The following NTRK2 variants were observed in gnomAD, a reference collection of about 807,000 sequenced individuals.
The protein encoded by NTRK2 is neurotrophic receptor tyrosine kinase 2.
Under a neutral mutation model 94.5 loss-of-function variants are expected in NTRK2, and 13 were observed. The observed-to-expected ratio is 0.14, with a 90% CI of 0.09 to 0.22. The LOEUF (loss-of-function observed/expected upper bound fraction) is 0.22, where lower values mean the gene tolerates loss of function less well. Among genes scored for constraint, NTRK2 ranks in the 10% least tolerant of loss-of-function variants. NTRK2 has a pLI of 1.00. For synonymous variants in NTRK2, 372 were observed against 407.4 expected (o/e 0.91, Z 1.05); for missense variants, 639 against 1,071.2 (o/e 0.60, Z 5.63).
intron 2 of NTRK2, among the ~76,000 whole-genome samples, chr9:84,695,018 G>A (rs1428351467): frequency 5.2e-5 from 7 of 134,740 alleles, no homozygotes; most frequent in African/African-American, 2.0e-4. Context: ...TCGCGCCACT[G>A]CACTCCAGCC....
intron 2 of NTRK2, among the ~76,000 whole-genome samples, chr9:84,692,468 C>CTTTTTTTTTTTTTTTTTTT (rs71369138): frequency 4.6e-5 from 4 of 87,692 alleles, no homozygotes; most frequent in Non-Finnish European, 6.4e-5. Flanking sequence ...TTCTTTTTTT[C>CTTTTTTTTTTTTTTTTTTT]TTTTTTTTTT....
chr9:84,723,748 A>G, intron 7 of NTRK2, 39 bp downstream of exon 7: 1 of 1,612,820 alleles, frequency 6.2e-7, no homozygotes, highest in African/African-American at 1.3e-5. Context: ...TAGAGAGACA[A>G]GAGTGTTTCA....
intron 17 of NTRK2, among the ~76,000 whole-genome samples, chr9:85,014,355 G>A (rs1831983547): frequency 6.6e-6 from 1 of 152,182 alleles, no homozygotes; most frequent in African/African-American, 2.4e-5. Flanking sequence ...CCTGGAAAAC[G>A]AGTGGTGCAT....
chr9:84,976,317 C>T (rs912324353), intron 17 of NTRK2, among the ~76,000 whole-genome samples: 2 of 152,138 alleles, frequency 1.3e-5, no homozygotes, highest in Non-Finnish European at 2.9e-5. Context: ...TTGTCTCTTC[C>T]TCTTTTATAA....
chr9:85,026,896 G>A lies in NTRK2; in HGVS notation c.*5459G>A. ...GCTTTACTAAGACCCACTGCATCTT[G>A]GCTGATTTCAAAGTGACACCTGAAT... On this transcript the variant is annotated 3_prime_UTR_variant, in exon 19 of 19. Coordinates refer to ENST00000277120, the MANE Select transcript of NTRK2 (RefSeq NM_006180.6). 1 of 232,388 alleles carries A rather than the reference G, an allele frequency of 4.3e-6. No individual in the cohort carries two copies. The allele number at this position is 232,388 out of a possible 1,614,324, so 14.4% of individuals were successfully genotyped here.
chr9:84,801,821 C>G (rs2070492930), intron 12 of NTRK2, among the ~76,000 whole-genome samples: 1 of 152,130 alleles, frequency 6.6e-6, no homozygotes, highest in Non-Finnish European at 1.5e-5. Context: ...TGGTAAATGG[C>G]CATAATTGTG....
intron 16 of NTRK2, among the ~76,000 whole-genome samples, chr9:84,951,537 A>G (rs1267513051): frequency 6.7e-6 from 1 of 149,312 alleles, no homozygotes; most frequent in East Asian, 2.0e-4. Flanking sequence ...GTGTCTGTAC[A>G]TACATGAATG....
chr9:84,815,319 A>G, intron 12 of NTRK2: 3 of 1,048,280 alleles, frequency 2.9e-6, no homozygotes, highest in Middle Eastern at 4.3e-4. Flanking sequence ...TTATGGGGAA[A>G]AAAAGTGTGA....
At chr9:84,721,311 G>A (rs539306788) in intron 6 of NTRK2, among the ~76,000 whole-genome samples, 1 of 152,048 alleles carries the variant, frequency 6.6e-6, no homozygotes, top group South Asian at 2.1e-4. Context: ...AAGTAGCTGG[G>A]ATTACAGGCA....
intron 15 of NTRK2, among the ~76,000 whole-genome samples, chr9:84,938,284 T>C (rs1269809349): frequency 2.0e-5 from 3 of 152,004 alleles, no homozygotes. Context: ...TTTGGAAAAG[T>C]TTTCTGATAA....
intron 2 of NTRK2, among the ~76,000 whole-genome samples, chr9:84,677,759 G>A (rs1211200837): frequency 1.3e-5 from 2 of 152,188 alleles, no homozygotes. Flanking sequence ...CATGTTCACA[G>A]ATTAAACTTC....
intron 17 of NTRK2, among the ~76,000 whole-genome samples, chr9:84,964,471 T>C (rs1366223088): frequency 1.3e-5 from 2 of 152,216 alleles, no homozygotes; most frequent in African/African-American, 4.8e-5. Flanking sequence ...CCTTCGGCCA[T>C]GAATAGTATC....
intron 16 of NTRK2, among the ~76,000 whole-genome samples, chr9:84,951,467 G>A (rs2132928227): frequency 1.3e-5 from 2 of 152,294 alleles, no homozygotes; most frequent in Middle Eastern, 6.8e-3. Flanking sequence ...AAAATCTGTA[G>A]CATAAGAAAT....
chr9:84,854,219 C>G (rs2074944729), intron 12 of NTRK2, among the ~76,000 whole-genome samples: 1 of 152,030 alleles, frequency 6.6e-6, no homozygotes, highest in Admixed American at 6.6e-5. Context: ...GATGGGATAA[C>G]TCTAAGGTTC....
At chr9:84,876,804 C>A in intron 14 of NTRK2, 2 of 1,061,870 alleles carry the variant, frequency 1.9e-6, no homozygotes, top group Non-Finnish European at 2.3e-6. Context: ...AGAAGGCTAG[C>A]CTTTCTTTTC....
chr9:84,872,917 C>T (rs1213429448), intron 14 of NTRK2: 1 of 1,065,108 alleles, frequency 9.4e-7, no homozygotes, highest in Non-Finnish European at 1.1e-6. Context: ...CCACTTCGTC[C>T]TTGTCTTACC....
rs137956921 is a variant in NTRK2 at position 84,937,602 on chromosome 9, G to A, written c.1764+3310G>A. ...GATCCAACCAGATTGTCCCTTTCCT[G>A]ATATCTTTGGATGACCTTTGTTTTT... On this transcript the variant is annotated intron_variant, in intron 15 of 18. Coordinates refer to ENST00000277120, the MANE Select transcript of NTRK2 (RefSeq NM_006180.6). 2.8e-3 allele frequency among the ~76,000 whole-genome samples: 428 copies of A among 152,212 alleles called. 5 individuals are homozygous for A. Among genetic ancestry groups the A allele is most frequent in the East Asian group, 0.019 (101 of 5,190 alleles).
rs543672785 is a variant in NTRK2, at chr9:84,951,197, C to T, written c.1937+2563C>T. Among the ~76,000 whole-genome samples the T allele has an allele frequency of 9.2e-5, 14 of 152,126 alleles. 1 individual carries two copies. The South Asian group carries it at 1.9e-3, about 20-fold the overall frequency. On this transcript the variant is annotated intron_variant, in intron 16 of 18. Coordinates refer to ENST00000277120, the MANE Select transcript of NTRK2 (RefSeq NM_006180.6). ...TCTGCTTTTCCTATGATTGTGTGGG[C>T]GAGGAAATGCCAGGTGGAATTAGGA...
rs1198019409 is a variant in NTRK2 at position 84,981,679 on chromosome 9, G to A, written c.2172+26162G>A. On this transcript the variant is annotated intron_variant, in intron 17 of 18. Transcript: ENST00000277120. ...TACATGTTCTTGTTCCCCATTAAGT[G>A]GAAGAATTGTATTTTTAAAAAATAG... 2.0e-5 allele frequency among the ~76,000 whole-genome samples: 3 copies of A among 152,208 alleles called. No individual in the cohort carries two copies. The South Asian group carries it at 6.2e-4, about 32-fold the overall frequency.
Sources: gnomAD v4.1 joint callset for allele counts (sites outside exome capture counted in the v4.1 genomes callset) on GRCh38, gnomAD v4.1.1 for gene constraint, MANE v1.5 for transcripts, NCBI Gene and HGNC (gene_info 2026-07-23, HGNC 2026-07-21) for gene names.